Variants in KLHDC4 observed in about 807,000 individuals in gnomAD.
The protein encoded by KLHDC4 is kelch domain-containing protein 4.
In KLHDC4, 90 loss-of-function variants were observed where a neutral mutation model predicts 62.4. That is an observed-to-expected ratio of 1.44 (90% CI 1.22 to 1.72). The LOEUF (loss-of-function observed/expected upper bound fraction) is 1.72. Ranked by LOEUF, KLHDC4 falls within the 40% of genes most tolerant of loss-of-function variation. The probability of loss-of-function intolerance (pLI) is 0.00; values close to 1 mark genes in which losing one functional copy is unlikely to be tolerated. For synonymous variants in KLHDC4, 386 were observed against 284.4 expected (o/e 1.36, Z -3.59); for missense variants, 1,025 against 699.7 (o/e 1.47, Z -5.25).
At chr16:87,750,072 G>A (rs2043685612) in intron 4 of KLHDC4, among the ~76,000 whole-genome samples, 1 of 152,146 alleles carries the variant, frequency 6.6e-6, no homozygotes, top group Non-Finnish European at 1.5e-5. Flanking sequence ...TACTCCACAT[G>A]AGGCCCTCCG....
chr16:87,734,967 GA>G (rs2041038424), intron 5 of KLHDC4, among the ~76,000 whole-genome samples: 1 of 41,956 alleles, frequency 2.4e-5, no homozygotes, highest in Non-Finnish European at 5.3e-5. Context: ...CGAATTGCCT[GA>G]CGCCCCTCCC....
chr16:87,753,494 T>C (rs557899212), intron 4 of KLHDC4, among the ~76,000 whole-genome samples: 22 of 152,194 alleles, frequency 1.4e-4, no homozygotes, highest in Non-Finnish European at 2.5e-4. Context: ...CACTGTTTGA[T>C]AGGTGAAAAA....
intron 9 of KLHDC4, chr16:87,710,771 C>A (rs1567656845): frequency 6.4e-6 from 1 of 156,254 alleles, no homozygotes; most frequent in Non-Finnish European, 1.4e-5. Flanking sequence ...CTGGTACACT[C>A]AGAGACCCTG....
intron 7 of KLHDC4, among the ~76,000 whole-genome samples, chr16:87,717,772 T>C (rs2037298476): frequency 6.7e-6 from 1 of 148,210 alleles, no homozygotes; most frequent in African/African-American, 2.7e-5. Flanking sequence ...GACGTCTCTA[T>C]TTGTCATCAG....
chr16:87,713,531 A>T (rs913450074), intron 8 of KLHDC4, among the ~76,000 whole-genome samples: 2 of 152,152 alleles, frequency 1.3e-5, no homozygotes, highest in Admixed American at 1.3e-4. Context: ...AAATCAAGAA[A>T]TTAATGATTG....
intron 5 of KLHDC4, among the ~76,000 whole-genome samples, chr16:87,731,991 G>A (rs952987005): frequency 6.6e-6 from 1 of 152,206 alleles, no homozygotes; most frequent in African/African-American, 2.4e-5. Context: ...CTTCGGCCCA[G>A]GATAGCTGCT....
chr16:87,726,819 C>T lies in KLHDC4; in HGVS notation c.705G>A (p.Gln235=), dbSNP rs766995950. 4.3e-6 allele frequency: 7 copies of T among 1,611,570 alleles called. No homozygotes were observed. The highest frequency in any genetic ancestry group is 1.7e-5 in the Admixed American group (1 of 59,642). ...TGCCGCCCTGGGGAGTGACGGACATCTGGCAGCCTGATCTGGGTGTGGGCC... is the reference window on the plus strand; with the variant it reads ...TGCCGCCCTGGGGAGTGACGGACATTTGGCAGCCTGATCTGGGTGTGGGCC... ...GTGPTPRSGC[Q]MSVTPQGGIV... Residue 235 remains glutamine (Q), a synonymous_variant, in exon 7 of 12, where the codon CAG becomes CAA. Coordinates refer to ENST00000270583, the MANE Select transcript of KLHDC4 (RefSeq NM_017566.4).
intron 5 of KLHDC4, among the ~76,000 whole-genome samples, chr16:87,732,556 A>C (rs2040570898): frequency 6.6e-6 from 1 of 152,242 alleles, no homozygotes; most frequent in Non-Finnish European, 1.5e-5. Flanking sequence ...CACACAAATA[A>C]TACAATCACA....
At chr16:87,755,037 C>G (rs1458014449) in intron 4 of KLHDC4, among the ~76,000 whole-genome samples, 157 bp downstream of exon 4, 1 of 152,150 alleles carries the variant, frequency 6.6e-6, no homozygotes, top group African/African-American at 2.4e-5. Flanking sequence ...AGTGAAGAAG[C>G]TGAGTAAGGA....
At chr16:87,731,368 G>A (rs886277954) in intron 5 of KLHDC4, among the ~76,000 whole-genome samples, 14 of 151,662 alleles carry the variant, frequency 9.2e-5, no homozygotes, top group African/African-American at 2.9e-4. Context: ...CACTGTGCCC[G>A]GCCCAGAATT....
chr16:87,710,089 A>G (rs564742795), intron 9 of KLHDC4: 6 of 174,620 alleles, frequency 3.4e-5, no homozygotes, highest in African/African-American at 1.4e-4. Flanking sequence ...CCCCTTTCCC[A>G]AGCAAGACAG....
At chr16:87,760,489 C>A (rs913828073) in intron 2 of KLHDC4, among the ~76,000 whole-genome samples, 1 of 151,298 alleles carries the variant, frequency 6.6e-6, no homozygotes, top group Non-Finnish European at 1.5e-5. Context: ...TGCCTGTAGT[C>A]CCAGCTACTT....
chr16:87,721,282 T>C (rs1364472285), intron 7 of KLHDC4, among the ~76,000 whole-genome samples: 1 of 151,702 alleles, frequency 6.6e-6, no homozygotes, highest in Non-Finnish European at 1.5e-5. Flanking sequence ...TAGCCGGGTG[T>C]GGTGGCAGGC....
At chr16:87,734,974 CTCCCCCTCCTG>C (rs2041041841) in intron 5 of KLHDC4, among the ~76,000 whole-genome samples, 1 of 60,758 alleles carries the variant, frequency 1.6e-5, no homozygotes, top group African/African-American at 5.9e-5. Context: ...CCTGACGCCC[CTCCCCCTCCTG>C]ACGAATTGCC....
chr16:87,745,978 G>A (rs1268140999), intron 5 of KLHDC4, among the ~76,000 whole-genome samples: 2 of 152,058 alleles, frequency 1.3e-5, no homozygotes, highest in African/African-American at 4.8e-5. Context: ...AAATTAAGCA[G>A]CTCAGCCTGG....
intron 7 of KLHDC4, among the ~76,000 whole-genome samples, chr16:87,721,941 C>T (rs183710350): frequency 2.0e-5 from 3 of 152,260 alleles, no homozygotes; most frequent in Admixed American, 6.5e-5. Flanking sequence ...CTTCCACCGT[C>T]GCGCCCCCAC....
intron 5 of KLHDC4, chr16:87,743,115 G>A (rs1478096851): frequency 6.6e-6 from 1 of 152,202 alleles, no homozygotes; most frequent in Non-Finnish European, 1.5e-5. Context: ...GCATTCTGAT[G>A]TTTCGTTAAG....
exon 1 of KLHDC4, chr16:87,701,717 C>G (rs962998136): frequency 6.6e-6 from 3 of 456,684 alleles, no homozygotes; most frequent in African/African-American, 2.0e-5. Flanking sequence ...TCTCGTGCGC[C>G]CATGCCACCT....
chr16:87,705,184 G>A (rs949691493), downstream of KLHDC4, among the ~76,000 whole-genome samples: 7 of 152,188 alleles, frequency 4.6e-5, no homozygotes, highest in African/African-American at 1.2e-4. Flanking sequence ...CAGCCGCGCC[G>A]CGCCAGCAGC....
Sources: gnomAD v4.1 joint callset for allele counts (sites outside exome capture counted in the v4.1 genomes callset) on GRCh38, gnomAD v4.1.1 for gene constraint, MANE v1.5 for transcripts, NCBI Gene and HGNC (gene_info 2026-07-23, HGNC 2026-07-21) for gene names.